The following DCAF6 variants were observed in gnomAD, a reference collection of about 807,000 sequenced individuals.
The protein encoded by DCAF6 is DDB1 and CUL4 associated factor 6.
DCAF6 carries 54 observed loss-of-function variants against 125.1 expected under a neutral mutation model. The ratio of observed to expected loss-of-function variants is 0.43; its 90% CI spans 0.35 to 0.54. The LOEUF (loss-of-function observed/expected upper bound fraction) is 0.54, where lower values mean the gene tolerates loss of function less well. Ranked by LOEUF, DCAF6 falls within the 20% of genes least tolerant of loss-of-function variation. The pLI, the probability that DCAF6 is intolerant of heterozygous loss-of-function variation, is 0.01. For synonymous variants in DCAF6, 371 were observed against 390.4 expected (o/e 0.95, Z 0.58); for missense variants, 934 against 1,161.7 (o/e 0.80, Z 2.85).
chr1:168,068,722 G>A (rs979720600), intron 21 of DCAF6, among the ~76,000 whole-genome samples: 5 of 152,056 alleles, frequency 3.3e-5, no homozygotes, highest in Non-Finnish European at 5.9e-5. Context: ...TTTTCTTAGA[G>A]TACATAACCT....
upstream of DCAF6, among the ~76,000 whole-genome samples, chr1:167,932,808 C>CAAAA (rs965449372): frequency 3.6e-5 from 2 of 54,894 alleles, no homozygotes; most frequent in Admixed American, 1.8e-4. Context: ...GACTCTGTCT[C>CAAAA]AAAAAAAAAA....
At chr1:167,916,551 T>G in the DCAF6 span, among the ~76,000 whole-genome samples, 1 of 147,364 alleles carries the variant, frequency 6.8e-6, no homozygotes, top group African/African-American at 2.6e-5. Context: ...ATTAAGAGTT[T>G]TGGGGCAGAA....
rs551060802 is a variant in DCAF6 at position 168,072,064 on chromosome 1, G to A, written c.2792-3307G>A. On this transcript the variant is annotated intron_variant, in intron 21 of 21. Transcript: ENST00000367840. ...TGTAATCCCAGCACTTTGGGAGGCC[G>A]AGGCGGGTAGATCACGAGGTCAGGA... Among the ~76,000 whole-genome samples the A allele has an allele frequency of 4.0e-5, 6 of 151,866 alleles. No homozygotes were observed. The South Asian group carries it at 1.0e-3, about 26-fold the overall frequency.
intron 17 of DCAF6, among the ~76,000 whole-genome samples, chr1:168,051,777 T>C (rs1470243726): frequency 6.6e-6 from 1 of 152,254 alleles, no homozygotes; most frequent in East Asian, 1.9e-4. Context: ...AATTTGTTTT[T>C]GCTTCTCAAA....
chr1:168,049,504 C>G (rs1272724081), intron 16 of DCAF6, among the ~76,000 whole-genome samples: 1 of 147,826 alleles, frequency 6.8e-6, no homozygotes, highest in Non-Finnish European at 1.5e-5. Flanking sequence ...CTCCTGGCCT[C>G]AAGCCTCAGC....
the DCAF6 span, chr1:167,883,499 G>A: frequency 1.1e-5 from 18 of 1,614,116 alleles, no homozygotes; most frequent in Non-Finnish European, 1.4e-5. Context: ...GAAGTGATGT[G>A]CATATAGGCA....
chr1:168,068,276 A>G (rs1324541067), intron 20 of DCAF6, 82 bp from the exon 21 acceptor site: 2 of 914,770 alleles, frequency 2.2e-6, no homozygotes, highest in Non-Finnish European at 3.5e-6. Flanking sequence ...GTACTGGCTG[A>G]TTGTTTACGG....
At chr1:168,060,012 T>G (rs1691386749) in intron 17 of DCAF6, among the ~76,000 whole-genome samples, 1 of 152,184 alleles carries the variant, frequency 6.6e-6, no homozygotes, top group African/African-American at 2.4e-5. Context: ...TTGCATATAT[T>G]TTTTATAACT....
At chr1:167,993,767 C>T (rs1681226793) in intron 7 of DCAF6, among the ~76,000 whole-genome samples, 1 of 151,464 alleles carries the variant, frequency 6.6e-6, no homozygotes. Flanking sequence ...ACAACAACAA[C>T]AACAACAACA....
At chr1:168,018,689 G>GA (rs1195417923) in intron 11 of DCAF6, among the ~76,000 whole-genome samples, 8 of 152,006 alleles carry the variant, frequency 5.3e-5, no homozygotes, top group Admixed American at 2.6e-4. Flanking sequence ...TCTTTTCTAG[G>GA]AAATACACCA....
intron 2 of DCAF6, among the ~76,000 whole-genome samples, chr1:167,961,779 A>G (rs963518547): frequency 6.6e-6 from 1 of 152,204 alleles, no homozygotes; most frequent in African/African-American, 2.4e-5. Flanking sequence ...CTGAAAATTG[A>G]AATGCTCCAA....
At chr1:168,019,607 G>C (rs1412272465) in intron 11 of DCAF6, 1 of 448,034 alleles carries the variant, frequency 2.2e-6, no homozygotes, top group South Asian at 1.6e-5. Flanking sequence ...GGAGTCTGCT[G>C]GTACTGACCT....
intron 20 of DCAF6, 52 bp from the exon 21 acceptor site, chr1:168,068,306 A>G (rs1558055478): frequency 8.8e-6 from 12 of 1,361,812 alleles, no homozygotes; most frequent in Non-Finnish European, 1.2e-5. Context: ...TCTTCAAGGA[A>G]AAAATACAGT....
chr1:167,918,156 G>T, the DCAF6 span: 2 of 550,356 alleles, frequency 3.6e-6, no homozygotes, highest in Non-Finnish European at 6.4e-6. Context: ...CATGTAGAGA[G>T]ACTGTTATTA....
intron 10 of DCAF6, among the ~76,000 whole-genome samples, chr1:168,011,411 C>T (rs553880700): frequency 1.3e-5 from 2 of 152,162 alleles, no homozygotes; most frequent in South Asian, 4.1e-4. Context: ...CCACTGCGCC[C>T]GACCCAGAAT....
intron 1 of DCAF6, among the ~76,000 whole-genome samples, chr1:167,951,292 A>G (rs1288956701): frequency 1.3e-5 from 2 of 152,150 alleles, no homozygotes; most frequent in Admixed American, 6.6e-5. Flanking sequence ...AAATAACTAC[A>G]GGCCGGGCGT....
intron 2 of DCAF6, 69 bp downstream of exon 2, chr1:167,951,930 C>A: frequency 1.1e-6 from 1 of 933,158 alleles, no homozygotes; most frequent in Non-Finnish European, 1.7e-6. Context: ...GATGAAATGT[C>A]CCAATCCTCC....
the DCAF6 span, among the ~76,000 whole-genome samples, chr1:167,876,691 G>A: frequency 6.6e-6 from 1 of 152,178 alleles, no homozygotes; most frequent in Admixed American, 6.5e-5. Context: ...AGATAGTCCT[G>A]GGTTTGCATA....
intron 12 of DCAF6, among the ~76,000 whole-genome samples, chr1:168,035,261 C>T (rs1687647116): frequency 6.6e-6 from 1 of 152,176 alleles, no homozygotes; most frequent in South Asian, 2.1e-4. Flanking sequence ...GCCTGGGCAA[C>T]ATGGCAAAAC....
Sources: gnomAD v4.1 joint callset for allele counts (sites outside exome capture counted in the v4.1 genomes callset) on GRCh38, gnomAD v4.1.1 for gene constraint, MANE v1.5 for transcripts, NCBI Gene and HGNC (gene_info 2026-07-23, HGNC 2026-07-21) for gene names.